The following CDC73 variants were observed in gnomAD, a reference collection of about 807,000 sequenced individuals.
CDC73 encodes the protein parafibromin.
A neutral mutation model predicts 83.7 loss-of-function variants in CDC73; 21 were observed. The ratio of observed to expected loss-of-function variants is 0.25; its 90% CI spans 0.18 to 0.36. The LOEUF is 0.36. CDC73 is among the 10% of genes least tolerant of loss of function. CDC73 has a pLI of 1.00. For missense variants in CDC73, 342 were observed against 653.3 expected (o/e 0.52, Z 5.19); for synonymous variants, 224 against 212.9 (o/e 1.05, Z -0.45).
chr1:193,237,717 T>C (rs2102063297), intron 15 of CDC73, among the ~76,000 whole-genome samples: 1 of 152,242 alleles, frequency 6.6e-6, no homozygotes, highest in East Asian at 1.9e-4. Context: ...GATGCTGGCA[T>C]GTCAGGGCTG....
chr1:193,142,008 T>C lies in CDC73; in HGVS notation c.671T>C (p.Ile224Thr), dbSNP rs1330160847. 1 of 1,613,808 alleles carries C rather than the reference T, an allele frequency of 6.2e-7. No homozygotes were observed. The highest frequency in any genetic ancestry group is 1.3e-5 in the African/African-American group (1 of 74,878). ...VDAEVDVTRD[I>T]VSRERVWRTR... ...GCTGAGGTAGATGTGACCCGAGATA[T>C]TGTCAGCAGAGAGAGAGTATGGAGG... The change falls in exon 7 of 17, where the codon ATT (isoleucine) becomes ACT (threonine). Residue 224 changes from isoleucine (I) to threonine (T), a missense_variant. Coordinates refer to ENST00000367435, the MANE Select transcript of CDC73 (RefSeq NM_024529.5).
chr1:193,254,272 A>G lies in CDC73; in HGVS notation c.*3560A>G, dbSNP rs1408432499. On this transcript the variant is annotated 3_prime_UTR_variant, in exon 17 of 17. Transcript: ENST00000367435. ...AGAAATAATTTATAAAATAAGAACT[A>G]TAGAAATTTGTTCTCAGCTGAAAAG... Among the ~76,000 whole-genome samples the G allele has an allele frequency of 6.6e-6, 1 of 152,078 alleles. No homozygotes were observed. The highest frequency in any genetic ancestry group is 1.5e-5 in the Non-Finnish European group (1 of 67,920).
intron 10 of CDC73, among the ~76,000 whole-genome samples, chr1:193,201,243 AGT>A (rs940154772): frequency 2.0e-5 from 3 of 152,138 alleles, no homozygotes; most frequent in African/African-American, 7.2e-5. Flanking sequence ...GGCAAATGAA[AGT>A]GTGTGTGGGG....
intron 11 of CDC73, among the ~76,000 whole-genome samples, chr1:193,211,506 T>C (rs1409199935): frequency 6.6e-6 from 1 of 152,196 alleles, no homozygotes; most frequent in East Asian, 1.9e-4. Context: ...ACACTTAATG[T>C]CTTTTCTTTG....
intron 10 of CDC73, among the ~76,000 whole-genome samples, chr1:193,156,911 C>T (rs1470146967): frequency 1.3e-5 from 2 of 152,024 alleles, no homozygotes; most frequent in Admixed American, 6.6e-5. Context: ...CAAAACCAGA[C>T]GTGTTCATAC....
intron 10 of CDC73, among the ~76,000 whole-genome samples, chr1:193,196,964 T>C (rs367968067): frequency 5.1e-4 from 77 of 152,302 alleles, no homozygotes; most frequent in African/African-American, 1.7e-3. Context: ...GCTGGAACTT[T>C]CAGTATTATG....
At chr1:193,133,481 C>T (rs952819844) in intron 3 of CDC73, among the ~76,000 whole-genome samples, 2 of 152,094 alleles carry the variant, frequency 1.3e-5, no homozygotes, top group Admixed American at 6.5e-5. Flanking sequence ...TGAGAAAAGG[C>T]TAGTCATTCT....
Position 193,183,999 on chromosome 1 carries a change from C to T in CDC73, c.973-19796C>T, listed in dbSNP as rs536647758. On this transcript the variant is annotated intron_variant, in intron 10 of 16. Coordinates refer to ENST00000367435, the MANE Select transcript of CDC73 (RefSeq NM_024529.5). The stretch of plus-strand genomic sequence containing the variant: ...TGTTGCTTTTATAAGAACAATATAC[C>T]TGAAGATGTCTCTAAAGTATTTTAG... 4.6e-5 allele frequency among the ~76,000 whole-genome samples: 7 copies of T among 151,694 alleles called. No homozygotes were observed. The East Asian group carries it at 1.4e-3, about 29-fold the overall frequency.
chr1:193,137,173 G>A (rs1198500696), intron 5 of CDC73, among the ~76,000 whole-genome samples: 1 of 152,136 alleles, frequency 6.6e-6, no homozygotes, highest in Non-Finnish European at 1.5e-5. Flanking sequence ...TCAGTAGTAA[G>A]GAATTTGAGA....
intron 10 of CDC73, 72 bp from the exon 11 acceptor site, chr1:193,203,723 C>G: frequency 8.3e-7 from 1 of 1,211,356 alleles, no homozygotes. Flanking sequence ...TATGAGATTT[C>G]TTTGGAATAA....
chr1:193,224,564 T>G (rs370161764), intron 13 of CDC73, among the ~76,000 whole-genome samples: 2 of 152,292 alleles, frequency 1.3e-5, no homozygotes, highest in East Asian at 1.9e-4. Flanking sequence ...GAAATATGCA[T>G]TCACATATAC....
intron 13 of CDC73, among the ~76,000 whole-genome samples, chr1:193,224,770 T>A (rs1266830933): frequency 1.3e-5 from 2 of 152,184 alleles, no homozygotes; most frequent in East Asian, 3.8e-4. Context: ...TCAAAATAAT[T>A]ATTTCAGACC....
intron 2 of CDC73, among the ~76,000 whole-genome samples, chr1:193,129,890 C>T (rs1006643120): frequency 6.6e-6 from 1 of 151,970 alleles, no homozygotes; most frequent in African/African-American, 2.4e-5. Flanking sequence ...TCATTTTGTT[C>T]AAATGTGATT....
chr1:193,216,037 C>T (rs2102041905), intron 13 of CDC73, among the ~76,000 whole-genome samples: 1 of 152,228 alleles, frequency 6.6e-6, no homozygotes, highest in Non-Finnish European at 1.5e-5. Flanking sequence ...TAACGTCACA[C>T]CTGTAAGAAC....
At chr1:193,144,275 A>G (rs957620608) in intron 7 of CDC73, among the ~76,000 whole-genome samples, 1 of 152,100 alleles carries the variant, frequency 6.6e-6, no homozygotes, top group Non-Finnish European at 1.5e-5. Context: ...AGAAACATGT[A>G]TAAACTTATA....
chr1:193,159,995 G>A (rs543653261), intron 10 of CDC73, among the ~76,000 whole-genome samples: 2 of 152,132 alleles, frequency 1.3e-5, no homozygotes, highest in East Asian at 1.9e-4. Context: ...CATATAAAGC[G>A]AATATTATTT....
rs1677122516 is a variant in CDC73, at chr1:193,203,266, AT to A, written c.973-527del. Among the ~76,000 whole-genome samples the A allele has an allele frequency of 1.3e-5, 2 of 152,230 alleles. 1 individual carries two copies. The highest frequency in any genetic ancestry group is 2.9e-5 in the Non-Finnish European group (2 of 67,964). On this transcript the variant is annotated intron_variant, in intron 10 of 16. Transcript: ENST00000367435. ...TTTAAGATACTCTCATCTGCTCTTA[AT>A]TCAAATGTAACATCTCTTCTTTATA...
intron 6 of CDC73, among the ~76,000 whole-genome samples, chr1:193,140,400 C>T (rs576724612): frequency 2.0e-4 from 31 of 152,288 alleles, no homozygotes; most frequent in African/African-American, 7.2e-4. Flanking sequence ...CCCCCATCCA[C>T]CCTCTGGGGA....
intron 11 of CDC73, among the ~76,000 whole-genome samples, chr1:193,209,045 T>A (rs984511959): frequency 2.0e-5 from 3 of 152,224 alleles, no homozygotes; most frequent in Non-Finnish European, 4.4e-5. Flanking sequence ...TGCATTTTTG[T>A]TTATGGTCTG....
Sources: allele counts gnomAD v4.1 joint callset (sites outside exome capture counted in the v4.1 genomes callset), GRCh38; gene constraint gnomAD v4.1.1; transcripts MANE v1.5; gene names NCBI Gene and HGNC (gene_info 2026-07-23, HGNC 2026-07-21).